The following ADRA1A variants were observed in gnomAD, a reference collection of about 807,000 sequenced individuals.
The protein encoded by ADRA1A is alpha-1A adrenergic receptor.
Under a neutral mutation model 29.6 loss-of-function variants are expected in ADRA1A, and 31 were observed. That is an observed-to-expected ratio of 1.05 (90% CI 0.79 to 1.41). ADRA1A has a LOEUF of 1.41. ADRA1A is among the 40% of genes most tolerant of loss of function. The pLI, the probability that ADRA1A is intolerant of heterozygous loss-of-function variation, is 0.00. For missense variants in ADRA1A, 619 were observed against 601.1 expected (o/e 1.03, Z -0.31); for synonymous variants, 311 against 254.3 (o/e 1.22, Z -2.12).
chr8:26,826,553 T>A (rs1437928295), intron 2 of ADRA1A, among the ~76,000 whole-genome samples: 1 of 152,236 alleles, frequency 6.6e-6, no homozygotes, highest in Non-Finnish European at 1.5e-5. Context: ...TTTAAAGAAA[T>A]AGAAACATTT....
At position 26,847,348 on chromosome 8, in the gene ADRA1A, C is replaced by T. The variant is rs137876456; in HGVS notation, c.883+16739G>A. On this transcript the variant is annotated intron_variant, in intron 2 of 2. Coordinates refer to ENST00000380573, the MANE Select transcript of ADRA1A (RefSeq NM_000680.4). ...GGTCAACATCACCCCCGATTGAGAA[C>T]TACTAATGTGACCTCTTTAGGAAAA... Among the ~76,000 whole-genome samples the T allele has an allele frequency of 7.6e-3, 1,152 of 152,310 alleles. 11 individuals are homozygous for T. The highest frequency in any genetic ancestry group is 0.051 in the Middle Eastern group (15 of 294).
chr8:26,815,548 G>A lies in ADRA1A; in HGVS notation c.884-44882C>T, dbSNP rs140866426. On this transcript the variant is annotated intron_variant, in intron 2 of 2. Coordinates refer to ENST00000380573, the MANE Select transcript of ADRA1A (RefSeq NM_000680.4). This position sits in a 1 kb window ranked among gnomAD's most constrained non-coding sequence, Gnocchi z 4.2. ...CCTTGGGCTTACATAAAATTGGAAGGAAAATAAACAGAGATCCCTACATGC... is the reference window on the plus strand; with the variant it reads ...CCTTGGGCTTACATAAAATTGGAAGAAAAATAAACAGAGATCCCTACATGC... 1.3e-3 allele frequency among the ~76,000 whole-genome samples: 193 copies of A among 152,260 alleles called. 2 individuals are homozygous for A. Among genetic ancestry groups the A allele is most frequent in the African/African-American group, 4.5e-3 (185 of 41,552 alleles).
intron 2 of ADRA1A, among the ~76,000 whole-genome samples, chr8:26,830,507 TG>T (rs1563288449): frequency 6.6e-6 from 1 of 152,148 alleles, no homozygotes; most frequent in African/African-American, 2.4e-5. Context: ...GATGACACCC[TG>T]AAGCCAGACA....
chr8:26,831,520 G>T lies in ADRA1A; in HGVS notation c.883+32567C>A, dbSNP rs921760291. On this transcript the variant is annotated intron_variant, in intron 2 of 2. Coordinates refer to ENST00000380573, the MANE Select transcript of ADRA1A (RefSeq NM_000680.4). This position sits in a 1 kb window ranked among gnomAD's most constrained non-coding sequence, Gnocchi z 5.2. ...CACTGATCATGGCCAGTTTGGAAAGGGTGTAGAGGTCACGGAAGTGTCAGG... is the reference window on the plus strand; with the variant it reads ...CACTGATCATGGCCAGTTTGGAAAGTGTGTAGAGGTCACGGAAGTGTCAGG... Among the ~76,000 whole-genome samples, 2 of 152,146 alleles carry T rather than the reference G, an allele frequency of 1.3e-5. No homozygotes were observed. The highest frequency in any genetic ancestry group is 4.8e-5 in the African/African-American group (2 of 41,424).
chr8:26,751,661 G>A (rs1207581385), downstream of ADRA1A, among the ~76,000 whole-genome samples: 1 of 152,186 alleles, frequency 6.6e-6, no homozygotes, highest in South Asian at 2.1e-4. Flanking sequence ...GAATGTGTGT[G>A]GATGGACACT....
At chr8:26,862,062 A>C (rs971244315) in intron 2 of ADRA1A, among the ~76,000 whole-genome samples, 29 of 152,198 alleles carry the variant, frequency 1.9e-4, no homozygotes, top group African/African-American at 7.0e-4. Flanking sequence ...AATAATATGC[A>C]AACTTTACTT....
intron 2 of ADRA1A, among the ~76,000 whole-genome samples, chr8:26,846,749 G>T (rs1662245348): frequency 6.6e-6 from 1 of 152,178 alleles, no homozygotes; most frequent in African/African-American, 2.4e-5. Context: ...TCCAGCCTGG[G>T]TAACAGTGAG....
At chr8:26,855,213 A>G (rs201156604) in intron 2 of ADRA1A, among the ~76,000 whole-genome samples, 1 of 63,096 alleles carries the variant, frequency 1.6e-5, no homozygotes, top group Non-Finnish European at 2.9e-5. Context: ...GTGTGTGTGC[A>G]TGCATGTGTG....
At chr8:26,778,818 T>C (rs1806737963) in intron 2 of ADRA1A, among the ~76,000 whole-genome samples, 1 of 147,496 alleles carries the variant, frequency 6.8e-6, no homozygotes, top group East Asian at 2.1e-4. Flanking sequence ...GGGGGAAGGA[T>C]AGCATTAGGA....
At chr8:26,838,215 C>A (rs1018235944) in intron 2 of ADRA1A, among the ~76,000 whole-genome samples, 1 of 152,162 alleles carries the variant, frequency 6.6e-6, no homozygotes, top group African/African-American at 2.4e-5. Flanking sequence ...GTACTTTGGA[C>A]AATTGATGTA....
Position 26,842,000 on chromosome 8 carries a change from C to T in ADRA1A, c.883+22087G>A, listed in dbSNP as rs1250825733. Among the ~76,000 whole-genome samples, 1 of 152,142 alleles carries T rather than the reference C, an allele frequency of 6.6e-6. No individual in the cohort carries two copies. Among genetic ancestry groups the T allele is most frequent in the South Asian group, 2.1e-4 (1 of 4,822 alleles). ...CCAACATATTCTAACATTCAGCCCTCCTTAGGAGATGACCCATTCCCTTAG... is the reference window on the plus strand; with the variant it reads ...CCAACATATTCTAACATTCAGCCCTTCTTAGGAGATGACCCATTCCCTTAG... On this transcript the variant is annotated intron_variant, in intron 2 of 2. Transcript: ENST00000380573. The surrounding 1 kb of genome is among the most constrained non-coding windows in gnomAD (Gnocchi z 4.4).
intron 2 of ADRA1A, among the ~76,000 whole-genome samples, chr8:26,853,523 G>A (rs1404038336): frequency 6.6e-6 from 1 of 152,138 alleles, no homozygotes; most frequent in African/African-American, 2.4e-5. Context: ...CAATACTAGA[G>A]CAGAGAGACA....
chr8:26,819,994 G>T (rs1212536389), intron 2 of ADRA1A, among the ~76,000 whole-genome samples: 2 of 152,004 alleles, frequency 1.3e-5, no homozygotes, highest in Admixed American at 1.3e-4. Flanking sequence ...GTAAAAATCT[G>T]TCACCACAGA....
Position 26,769,298 on chromosome 8 carries a change from C to A in ADRA1A, c.*851G>T. The A allele has an allele frequency of 3.0e-6, 3 of 985,350 alleles. No individual in the cohort carries two copies. The highest frequency in any genetic ancestry group is 3.6e-6 in the Non-Finnish European group (3 of 829,868). The allele number at this position is 985,350 out of a possible 1,614,324, so 61.0% of individuals were successfully genotyped here. The stretch of plus-strand genomic sequence containing the variant: ...TGCAAGAAATTAACAGCCACACCAA[C>A]CTCTTGCTCTTTAAAGATATTAGAG... On this transcript the variant is annotated 3_prime_UTR_variant, in exon 3 of 3. Coordinates refer to ENST00000380573, the MANE Select transcript of ADRA1A (RefSeq NM_000680.4).
chr8:26,865,056 A>G lies in ADRA1A; in HGVS notation c.-87T>C. On this transcript the variant is annotated 5_prime_UTR_variant, in exon 2 of 3. An upstream open reading frame in the 5' UTR loses its in-frame stop. Transcript: ENST00000380573. This position sits in a 1 kb window ranked among gnomAD's most constrained non-coding sequence, Gnocchi z 7.6. ...GGCGGGAGCGCGGGAGCCGGGAATC[A>G]AAAGGTCTCGGCTGGAGGGAGCCCT... 6.6e-7 allele frequency: 1 copy of G among 1,516,586 alleles called. No individual in the cohort carries two copies. The highest frequency in any genetic ancestry group is 8.8e-7 in the Non-Finnish European group (1 of 1,142,194). The allele number at this position is 1,516,586 out of a possible 1,614,324, so 93.9% of individuals were successfully genotyped here.
chr8:26,836,331 T>A (rs2130674496), intron 2 of ADRA1A: 1 of 155,432 alleles, frequency 6.4e-6, no homozygotes, highest in Admixed American at 6.5e-5. Context: ...CTTTAATGAA[T>A]CTGTTTATGT....
chr8:26,763,225 A>G (rs1805604688), downstream of ADRA1A, among the ~76,000 whole-genome samples: 1 of 152,162 alleles, frequency 6.6e-6, no homozygotes, highest in Admixed American at 6.5e-5. The surrounding 1 kb of genome is among the most constrained non-coding windows in gnomAD (Gnocchi z 4.5). Context: ...GTGGGGTGCC[A>G]TGTCCAGGAG....
downstream of ADRA1A, among the ~76,000 whole-genome samples, chr8:26,767,120 C>G (rs1216718000): frequency 6.6e-6 from 1 of 152,108 alleles, no homozygotes; most frequent in African/African-American, 2.4e-5. Context: ...GCAGAATAAA[C>G]TCAAATTTTC....
At chr8:26,751,272 A>C (rs1485374396) in intron 2 of ADRA1A, among the ~76,000 whole-genome samples, 1 of 152,186 alleles carries the variant, frequency 6.6e-6, no homozygotes, top group Non-Finnish European at 1.5e-5. Flanking sequence ...TATGGATCAG[A>C]ACATAATAAC....
Sources: allele counts gnomAD v4.1 joint callset (sites outside exome capture counted in the v4.1 genomes callset), GRCh38; gene constraint gnomAD v4.1.1; non-coding constraint Gnocchi (gnomAD v3.1); transcripts MANE v1.5; gene names NCBI Gene and HGNC (gene_info 2026-07-23, HGNC 2026-07-21).